RAP1GAP2: variants seen among roughly 807,000 people sequenced by gnomAD.
RAP1GAP2 encodes RAP1 GTPase activating protein 2.
In RAP1GAP2, 27 loss-of-function variants were observed where a neutral mutation model predicts 95.0. The observed-to-expected ratio is 0.28, with a 90% CI of 0.21 to 0.39. RAP1GAP2 has a LOEUF of 0.39. Ranked by LOEUF, RAP1GAP2 falls within the 10% of genes least tolerant of loss-of-function variation. The pLI is 1.00. For synonymous variants in RAP1GAP2, 373 were observed against 380.9 expected, an observed-to-expected ratio of 0.98 and a Z score of 0.24; for missense variants, 771 against 970.0, an observed-to-expected ratio of 0.79 and a Z score of 2.72.
At chr17:2,986,408 C>T (rs922464103) in intron 11 of RAP1GAP2, among the ~76,000 whole-genome samples, 4 of 152,112 alleles carry the variant, frequency 2.6e-5, no homozygotes, top group African/African-American at 9.7e-5. Flanking sequence ...CAAAGCGGAT[C>T]TTATAAGCTG....
rs755680315 is a variant in RAP1GAP2 at position 2,855,166 on chromosome 17, C to T, written c.81-50118C>T. On this transcript the variant is annotated intron_variant, in intron 2 of 24. Transcript: ENST00000254695. This position sits in a 1 kb window ranked among gnomAD's most constrained non-coding sequence, Gnocchi z 4.3. ...CCCTTGTGGTGGGTTGTCCCCCATT[C>T]CTCTCGTCCCCCCTTCCTATAATGT... Among the ~76,000 whole-genome samples, 2 of 152,132 alleles carry T rather than the reference C, an allele frequency of 1.3e-5. No homozygotes were observed. The highest frequency in any genetic ancestry group is 2.4e-5 in the African/African-American group (1 of 41,418).
intron 8 of RAP1GAP2, among the ~76,000 whole-genome samples, chr17:2,972,936 C>A (rs748418021): frequency 1.3e-5 from 2 of 152,124 alleles, no homozygotes; most frequent in African/African-American, 2.4e-5. Context: ...AAATGCACTG[C>A]GTTTTAGAGA....
At chr17:2,823,142 G>T (rs553662726) in intron 2 of RAP1GAP2, among the ~76,000 whole-genome samples, 1 of 152,208 alleles carries the variant, frequency 6.6e-6, no homozygotes, top group Admixed American at 6.6e-5. Context: ...CATGGGGCTG[G>T]CTTCCGGATA....
At chr17:3,025,982 C>A in intron 19 of RAP1GAP2, 26 bp from the exon 20 acceptor site, 1 of 1,554,282 alleles carries the variant, frequency 6.4e-7, no homozygotes, top group Non-Finnish European at 8.9e-7. Context: ...TCTCCGCGGC[C>A]TCACTCCTCA....
chr17:2,810,027 C>CG (rs1468679467), intron 2 of RAP1GAP2, among the ~76,000 whole-genome samples: 1 of 149,160 alleles, frequency 6.7e-6, no homozygotes, highest in Non-Finnish European at 1.5e-5. Flanking sequence ...CCCTCCCCTC[C>CG]CCCCGCCCCA....
At chr17:2,766,003 C>T (rs1040639066) in intron 1 of RAP1GAP2, among the ~76,000 whole-genome samples, 2 of 152,082 alleles carry the variant, frequency 1.3e-5, no homozygotes, top group African/African-American at 4.8e-5. Flanking sequence ...CTAACCTGGC[C>T]GTCCTATTAT....
At chr17:2,992,702 G>A (rs950941295) in intron 12 of RAP1GAP2, among the ~76,000 whole-genome samples, 4 of 152,070 alleles carry the variant, frequency 2.6e-5, no homozygotes, top group Admixed American at 6.6e-5. Context: ...GGCACACAGC[G>A]GATATTCACT....
At chr17:3,019,188 G>T (rs1597888244) in intron 18 of RAP1GAP2, among the ~76,000 whole-genome samples, 1 of 152,260 alleles carries the variant, frequency 6.6e-6, no homozygotes, top group African/African-American at 2.4e-5. Context: ...TGTGAGTTTG[G>T]GCCTGATTGA....
chr17:2,813,322 G>A (rs1359321835), intron 2 of RAP1GAP2, among the ~76,000 whole-genome samples: 3 of 152,052 alleles, frequency 2.0e-5, no homozygotes, highest in East Asian at 2.0e-4. Flanking sequence ...TGATCTGCCT[G>A]CTTCAGCCTC....
chr17:2,835,065 G>A (rs1206988949), intron 2 of RAP1GAP2, among the ~76,000 whole-genome samples: 4 of 147,598 alleles, frequency 2.7e-5, no homozygotes, highest in Non-Finnish European at 4.5e-5. Flanking sequence ...GACTACAGGC[G>A]CCCGCCACCA....
chr17:2,837,303 C>T (rs2071174109), intron 2 of RAP1GAP2, among the ~76,000 whole-genome samples: 1 of 150,842 alleles, frequency 6.6e-6, no homozygotes, highest in Non-Finnish European at 1.5e-5. Context: ...GCCAAGCCTG[C>T]ATCGTGTACC....
chr17:2,833,689 C>CAAAA lies in RAP1GAP2; in HGVS notation c.80+33158_80+33161dup, dbSNP rs112909808. ...TGGGAGACACAGCGAGACTCCGTCT[C>CAAAA]AAAAAAAAAAAAAAAAAAAAAAGAA... On this transcript the variant is annotated intron_variant, in intron 2 of 24. Transcript: ENST00000254695. Among the ~76,000 whole-genome samples, 11 of 53,630 alleles carry CAAAA rather than the reference C, an allele frequency of 2.1e-4. 1 individual carries two copies. Among genetic ancestry groups the CAAAA allele is most frequent in the Admixed American group, 6.7e-4 (3 of 4,502 alleles). The allele number at this position is 53,630 out of a possible 152,430, so 35.2% of individuals were successfully genotyped here. A position where few individuals can be genotyped will look rare whatever the true frequency, so the allele number is the denominator to read the frequency against.
rs140784056 is a variant in RAP1GAP2, at chr17:2,886,135, ATGTGTGTGTG to A, written c.81-19131_81-19122del. Among the ~76,000 whole-genome samples, 19 of 130,554 alleles carry A rather than the reference ATGTGTGTGTG, an allele frequency of 1.5e-4. 1 individual carries two copies. In the South Asian group the frequency reaches 4.4e-3, roughly 30 times the overall value. The allele number at this position is 130,554 out of a possible 152,430, so 85.6% of individuals were successfully genotyped here. ...TTTTTTTCCCAATGAATATGTATTT[ATGTGTGTGTG>A]TGTGTGTGTGTGTGTGTATATATAT... On this transcript the variant is annotated intron_variant, in intron 2 of 24. Transcript: ENST00000254695.
chr17:2,927,161 CTT>C (rs967323533), intron 3 of RAP1GAP2, among the ~76,000 whole-genome samples: 7 of 144,868 alleles, frequency 4.8e-5, no homozygotes, highest in Admixed American at 2.1e-4. Context: ...TGGAGCAAGT[CTT>C]TTTTTTTTTA....
intron 2 of RAP1GAP2, among the ~76,000 whole-genome samples, chr17:2,882,795 G>A (rs1042363462): frequency 6.6e-6 from 1 of 152,188 alleles, no homozygotes; most frequent in African/African-American, 2.4e-5. Context: ...TAGGGAGGTG[G>A]CGAGGACTTT....
In RAP1GAP2 at chr17:2,963,358, A is replaced by G. The variant is rs2044427341; in HGVS notation, c.247-72A>G. 6.7e-7 allele frequency: 1 copy of G among 1,484,894 alleles called. No homozygotes were observed. The highest frequency in any genetic ancestry group is 1.7e-5 in the Admixed American group (1 of 59,106). The allele number at this position is 1,484,894 out of a possible 1,614,324, so 92.0% of individuals were successfully genotyped here. A position where few individuals can be genotyped will look rare whatever the true frequency, so the allele number is the denominator to read the frequency against. On this transcript the variant is annotated intron_variant, in intron 5 of 24. Coordinates refer to ENST00000254695, the MANE Select transcript of RAP1GAP2 (RefSeq NM_015085.5). The surrounding 1 kb of genome is among the most constrained non-coding windows in gnomAD (Gnocchi z 4.8). Reference sequence around the variant, plus strand: ...CCCCACAACATATCCCCCTTGCAAGACCTGGAAACAGTGGTCAGACTTTAC... The same window carrying G: ...CCCCACAACATATCCCCCTTGCAAGGCCTGGAAACAGTGGTCAGACTTTAC...
At position 2,903,416 on chromosome 17, in the gene RAP1GAP2, A is replaced by G. The variant is rs1314277445; in HGVS notation, c.81-1868A>G. 6.6e-6 allele frequency among the ~76,000 whole-genome samples: 1 copy of G among 152,122 alleles called. No individual in the cohort carries two copies. The highest frequency in any genetic ancestry group is 1.5e-5 in the Non-Finnish European group (1 of 68,026). On this transcript the variant is annotated intron_variant, in intron 2 of 24. Coordinates refer to ENST00000254695, the MANE Select transcript of RAP1GAP2 (RefSeq NM_015085.5). This position sits in a 1 kb window ranked among gnomAD's most constrained non-coding sequence, Gnocchi z 4.1. ...AGCCAGACTGGAGCCTACGGTGGTAATGTCCAAGGCCGTACATAGAAGGAG... is the reference window on the plus strand; with the variant it reads ...AGCCAGACTGGAGCCTACGGTGGTAGTGTCCAAGGCCGTACATAGAAGGAG...
intron 8 of RAP1GAP2, among the ~76,000 whole-genome samples, chr17:2,979,460 G>GTTTTTTTTTTTTTT (rs71153320): frequency 1.3e-5 from 1 of 78,606 alleles, no homozygotes. Flanking sequence ...GGCGTGTTCT[G>GTTTTTTTTTTTTTT]TTTTTTTTTT....
intron 24 of RAP1GAP2, 42 bp downstream of exon 24, chr17:3,032,491 G>C (rs2047356701): frequency 6.3e-7 from 1 of 1,578,602 alleles, no homozygotes; most frequent in African/African-American, 1.3e-5. Context: ...GAGGGGGGAC[G>C]TGTGTTTCTT....
Sources: allele counts gnomAD v4.1 joint callset (sites outside exome capture counted in the v4.1 genomes callset), GRCh38; gene constraint gnomAD v4.1.1; non-coding constraint Gnocchi (gnomAD v3.1); transcripts MANE v1.5; gene names NCBI Gene and HGNC (gene_info 2026-07-23, HGNC 2026-07-21).